Variants in ARID2 observed in about 807,000 individuals in gnomAD.
The protein encoded by ARID2 is AT-rich interaction domain 2, also known as AT-rich interactive domain-containing protein 2.
A neutral mutation model predicts 184.6 loss-of-function variants in ARID2; 32 were observed. That is an observed-to-expected ratio of 0.17 (90% CI 0.13 to 0.23). The LOEUF (loss-of-function observed/expected upper bound fraction) is 0.23. Ranked by LOEUF, ARID2 falls within the 10% of genes least tolerant of loss-of-function variation. The pLI is 1.00. For missense variants in ARID2, 1,696 were observed against 2,197.6 expected (o/e 0.77, Z 4.56); for synonymous variants, 836 against 772.6 (o/e 1.08, Z -1.36).
At chr12:45,819,365 T>C (rs1663583775) in intron 5 of ARID2, among the ~76,000 whole-genome samples, 1 of 152,184 alleles carries the variant, frequency 6.6e-6, no homozygotes, top group African/African-American at 2.4e-5. Flanking sequence ...CAAGTGCCAT[T>C]TGGGTATAGT....
chr12:45,837,812 TGA>T (rs1368525377), intron 10 of ARID2, 105 bp downstream of exon 10: 3 of 1,015,824 alleles, frequency 3.0e-6, no homozygotes, highest in Non-Finnish European at 4.2e-6. Flanking sequence ...TGTTTTATTT[TGA>T]AGAGTCATTA....
intron 3 of ARID2, among the ~76,000 whole-genome samples, chr12:45,773,424 CTAGTTAAATCAAAAT>C (rs1406195144): frequency 2.0e-5 from 3 of 151,856 alleles, no homozygotes; most frequent in African/African-American, 7.2e-5. Flanking sequence ...AAAAGAAAAA[CTAGTTAAATCAAAAT>C]TAGTTAAATC....
At position 45,906,078 on chromosome 12, in the gene ARID2, A is replaced by ATG. The variant is rs1336315553; in HGVS notation, c.*1002_*1003dup. 8 of 232,160 alleles carry ATG rather than the reference A, an allele frequency of 3.4e-5. No individual in the cohort carries two copies. The highest frequency in any genetic ancestry group is 1.3e-3 in the Middle Eastern group (1 of 800). The allele number at this position is 232,160 out of a possible 1,614,324, so 14.4% of individuals were successfully genotyped here. ...AAGGTATTTTTTGGTTTTCCTTAAC[A>ATG]TGTATCCACTGTAAACGTTTGTCGT... On this transcript the variant is annotated 3_prime_UTR_variant, in exon 21 of 21. Coordinates refer to ENST00000334344, the MANE Select transcript of ARID2 (RefSeq NM_152641.4).
chr12:45,899,657 ATATATATATATGGTTATATATGGT>A (rs763806932), intron 20 of ARID2, among the ~76,000 whole-genome samples: 33,297 of 96,372 alleles, frequency 0.35, 5,579 homozygotes, highest in Non-Finnish European at 0.37. Flanking sequence ...ATTTGGTTAT[ATATATATATATGGTTATATATGGT>A]TATATATATA....
intron 16 of ARID2, 123 bp downstream of exon 16, chr12:45,861,072 C>T: frequency 1.2e-6 from 1 of 805,910 alleles, no homozygotes; most frequent in Non-Finnish European, 1.7e-6. Flanking sequence ...TTTAGCGAAA[C>T]TACAAGAGTT....
intron 3 of ARID2, among the ~76,000 whole-genome samples, chr12:45,735,210 CTAGT>C (rs1158544853): frequency 1.3e-5 from 2 of 151,700 alleles, no homozygotes; most frequent in African/African-American, 4.8e-5. Context: ...CATGTGTTCT[CTAGT>C]TAGTGTCCAC....
intron 5 of ARID2, among the ~76,000 whole-genome samples, 188 bp downstream of exon 5, chr12:45,818,076 G>A (rs994543399): frequency 1.4e-4 from 21 of 151,968 alleles, no homozygotes; most frequent in African/African-American, 5.1e-4. Context: ...TAGTAATTTT[G>A]TCTCAGTGTT....
At chr12:45,869,930 C>T (rs940875991) in intron 16 of ARID2, among the ~76,000 whole-genome samples, 2 of 152,054 alleles carry the variant, frequency 1.3e-5, no homozygotes, top group African/African-American at 4.8e-5. Context: ...ATGTTTTCAG[C>T]ACAATTGCAC....
chr12:45,742,429 T>A (rs2137980561), intron 3 of ARID2, among the ~76,000 whole-genome samples: 2 of 152,288 alleles, frequency 1.3e-5, no homozygotes, highest in African/African-American at 4.8e-5. Context: ...CCATCTAGGT[T>A]TGTGTAAGTG....
At chr12:45,842,668 A>G (rs1943372042) in intron 11 of ARID2, among the ~76,000 whole-genome samples, 1 of 151,910 alleles carries the variant, frequency 6.6e-6, no homozygotes, top group Non-Finnish European at 1.5e-5. Context: ...GAGGCAGGAG[A>G]ATTGCTTGAA....
intron 6 of ARID2, among the ~76,000 whole-genome samples, chr12:45,828,756 AG>A (rs1219005871): frequency 6.6e-6 from 1 of 151,958 alleles, no homozygotes; most frequent in African/African-American, 2.4e-5. Flanking sequence ...AGCTTCTTTT[AG>A]GCAGTGCCTA....
intron 16 of ARID2, among the ~76,000 whole-genome samples, chr12:45,873,781 A>C (rs1240632857): frequency 6.6e-6 from 1 of 152,246 alleles, no homozygotes; most frequent in Non-Finnish European, 1.5e-5. Context: ...TTACTGCTAA[A>C]GATGCTAATG....
rs768123632 is a variant in ARID2, at chr12:45,851,728, C to A, written c.3605C>A (p.Thr1202Asn). The A allele has an allele frequency of 6.2e-7, 1 of 1,614,114 alleles. No homozygotes were observed. Among genetic ancestry groups the A allele is most frequent in the South Asian group, 1.1e-5 (1 of 91,086 alleles). ...CAGCTCATTGCTCCAGCAGGAATTA[C>A]CATGAGCGGAACGCAGACAGGAGTT... ...ATQLIAPAGITMSGTQTGVGL... is the reference protein window; with the variant it reads ...ATQLIAPAGINMSGTQTGVGL... Residue 1202 changes from threonine to asparagine, a missense_variant, in exon 15 of 21, where the codon ACC (threonine) becomes AAC (asparagine). Around this residue, in one of 11 missense-constraint regions of ARID2, gnomAD observed 428 missense variants for 409.1 expected, o/e 1.05. Transcript: ENST00000334344.
In ARID2 at chr12:45,754,019, A is replaced by G. The variant is rs188791233; in HGVS notation, c.284+22705A>G. Among the ~76,000 whole-genome samples the G allele has an allele frequency of 1.1e-4, 17 of 152,348 alleles. No homozygotes were observed. The East Asian group carries it at 3.3e-3, about 29-fold the overall frequency. On this transcript the variant is annotated intron_variant, in intron 3 of 20. Coordinates refer to ENST00000334344, the MANE Select transcript of ARID2 (RefSeq NM_152641.4). ...ATGTCATTTCTAAAGCAACTACTAA[A>G]AAGTTATTTTTAACTAATAGTATCA...
At chr12:45,826,253 C>G (rs560598603) in intron 6 of ARID2, among the ~76,000 whole-genome samples, 2 of 151,816 alleles carry the variant, frequency 1.3e-5, no homozygotes, top group African/African-American at 4.8e-5. Flanking sequence ...CAAAACAGTT[C>G]CACTGTAAAG....
chr12:45,801,796 G>A (rs1313707499), intron 3 of ARID2, among the ~76,000 whole-genome samples: 1 of 151,988 alleles, frequency 6.6e-6, no homozygotes, highest in Non-Finnish European at 1.5e-5. Flanking sequence ...GTATTGGGGG[G>A]TGGGGGACAG....
chr12:45,740,398 T>C (rs1360903288), intron 3 of ARID2, among the ~76,000 whole-genome samples: 1 of 152,136 alleles, frequency 6.6e-6, no homozygotes, highest in East Asian at 1.9e-4. Flanking sequence ...CATTTTTCTT[T>C]TTATATGTGA....
chr12:45,856,067 C>CTTTTTTTTTTTTT lies in ARID2; in HGVS notation c.4773+3184_4773+3196dup, dbSNP rs930473740. Among the ~76,000 whole-genome samples the CTTTTTTTTTTTTT allele has an allele frequency of 7.6e-4, 57 of 74,620 alleles. 1 individual carries two copies. The highest frequency in any genetic ancestry group is 9.3e-4 in the Non-Finnish European group (36 of 38,802). 49.0% of individuals were successfully genotyped at this position (74,620 alleles called of 152,430 possible). ...ATGTACTCTTTTTCTTTCTTCTTTT[C>CTTTTTTTTTTTTT]TTTTTTTTTTTTTTTTTTTTTTTTT... On this transcript the variant is annotated intron_variant, in intron 15 of 20. Coordinates refer to ENST00000334344, the MANE Select transcript of ARID2 (RefSeq NM_152641.4).
intron 3 of ARID2, among the ~76,000 whole-genome samples, chr12:45,772,684 AG>A (rs1941899752): frequency 6.6e-6 from 1 of 152,252 alleles, no homozygotes; most frequent in Admixed American, 6.5e-5. Flanking sequence ...AAAAAATTGC[AG>A]TTCATTAAGA....
Sources: gnomAD v4.1 joint callset for allele counts (sites outside exome capture counted in the v4.1 genomes callset) on GRCh38, gnomAD v4.1.1 for gene constraint, gnomAD v4.1.1 regional missense constraint, MANE v1.5 for transcripts, NCBI Gene and HGNC (gene_info 2026-07-23, HGNC 2026-07-21) for gene names.